DGKI: variants seen among roughly 807,000 people sequenced by gnomAD.
The protein encoded by DGKI is diacylglycerol kinase iota.
A neutral mutation model predicts 147.5 loss-of-function variants in DGKI; 55 were observed. The ratio of observed to expected loss-of-function variants is 0.37; its 90% CI spans 0.30 to 0.47. The LOEUF (loss-of-function observed/expected upper bound fraction) is 0.47. DGKI is among the 20% of genes least tolerant of loss of function. The pLI is 1.00. For missense variants in DGKI, 1,007 were observed against 1,323.8 expected (o/e 0.76, Z 3.71); for synonymous variants, 469 against 477.1 (o/e 0.98, Z 0.22).
At position 137,446,743 on chromosome 7, in the gene DGKI, AAG is replaced by A. The variant is rs1438502120; in HGVS notation, c.2736-2643_2736-2642del. Among the ~76,000 whole-genome samples the A allele has an allele frequency of 4.6e-5, 7 of 152,244 alleles. No individual in the cohort carries two copies. In the East Asian group the frequency reaches 1.4e-3, roughly 29 times the overall value. On this transcript the variant is annotated intron_variant, in intron 27 of 32. Transcript: ENST00000614521. ...CTCTGTCTCAAAAAAGAAAGAAAGA[AAG>A]AGAGAGAGGGAGGGGAAAGAAGTTA...
rs1399392625 is a variant in DGKI, at chr7:137,389,175, G to A, written c.*2045C>T. The A allele has an allele frequency of 1.3e-5, 2 of 152,068 alleles. 1 individual carries two copies. Among genetic ancestry groups the A allele is most frequent in the Admixed American group, 1.3e-4 (2 of 15,258 alleles). 9.4% of individuals were successfully genotyped at this position (152,068 alleles called of 1,614,324 possible). On this transcript the variant is annotated 3_prime_UTR_variant, in exon 33 of 33. Transcript: ENST00000614521. ...GCCAACTAAAAATCCCCCAGCAAAA[G>A]CCCAGTGATTAAATTCTCCTGGAGC...
At chr7:137,540,623 T>C (rs757072047) in intron 20 of DGKI, among the ~76,000 whole-genome samples, 13 of 151,448 alleles carry the variant, frequency 8.6e-5, no homozygotes, top group African/African-American at 1.2e-4. Flanking sequence ...GAGGCAGAGG[T>C]TTCAGTGAGC....
In DGKI at chr7:137,381,538, C is replaced by T. The variant is rs1172717893; in HGVS notation, c.*9682G>A. 2.6e-5 allele frequency: 4 copies of T among 151,602 alleles called. No homozygotes were observed. The highest frequency in any genetic ancestry group is 7.3e-5 in the African/African-American group (3 of 41,236). The allele number at this position is 151,602 out of a possible 1,614,324, so 9.4% of individuals were successfully genotyped here. The stretch of plus-strand genomic sequence containing the variant: ...GCCTTTGCGAGTGGAATACCCACAG[C>T]CAAGGGTACCCTGGATGCCTGGGAA... On this transcript the variant is annotated 3_prime_UTR_variant, in exon 33 of 33. Transcript: ENST00000614521.
At chr7:137,665,274 C>T (rs551484272) in intron 3 of DGKI, among the ~76,000 whole-genome samples, 1 of 152,312 alleles carries the variant, frequency 6.6e-6, no homozygotes, top group Admixed American at 6.5e-5. Context: ...GGCAGAGGCA[C>T]AAGAGTGACT....
intron 23 of DGKI, among the ~76,000 whole-genome samples, chr7:137,471,960 A>C (rs1444881995): frequency 7.7e-6 from 1 of 129,584 alleles, no homozygotes; most frequent in Non-Finnish European, 1.5e-5. Context: ...TATATATTAT[A>C]TATTATATAC....
At chr7:137,781,972 A>T (rs943414610) in intron 1 of DGKI, among the ~76,000 whole-genome samples, 2 of 152,196 alleles carry the variant, frequency 1.3e-5, no homozygotes, top group Admixed American at 6.5e-5. Context: ...GGTGGATAGG[A>T]GGCAGGAATA....
intron 20 of DGKI, among the ~76,000 whole-genome samples, chr7:137,546,215 C>T (rs554947599): frequency 6.6e-6 from 1 of 152,242 alleles, no homozygotes; most frequent in Non-Finnish European, 1.5e-5. Context: ...CAGACCGGAG[C>T]GGGGCCAGGC....
intron 20 of DGKI, among the ~76,000 whole-genome samples, chr7:137,524,942 T>G (rs1215346291): frequency 2.0e-5 from 3 of 152,112 alleles, no homozygotes; most frequent in African/African-American, 7.2e-5. Context: ...CTTACCAGTG[T>G]GTATCACCTT....
Position 137,605,291 on chromosome 7 carries a change from G to C in DGKI, c.1167+3675C>G, listed in dbSNP as rs376554466. On this transcript the variant is annotated intron_variant, in intron 10 of 32. Transcript: ENST00000614521. ...TCACTGCACTCCAGCCTGGGTGACA[G>C]AGCAAGACTCCGTCTCAAAAATATA... is the stretch of plus-strand genomic sequence containing the variant. Among the ~76,000 whole-genome samples, 28 of 145,392 alleles carry C rather than the reference G, an allele frequency of 1.9e-4. 1 individual carries two copies. In the South Asian group the frequency reaches 5.2e-3, roughly 27 times the overall value.
At chr7:137,545,231 T>C (rs1817825467) in intron 20 of DGKI, among the ~76,000 whole-genome samples, 1 of 152,154 alleles carries the variant, frequency 6.6e-6, no homozygotes, top group African/African-American at 2.4e-5. Context: ...TAACAGTCCC[T>C]GAAACATAAT....
intron 21 of DGKI, among the ~76,000 whole-genome samples, chr7:137,513,346 T>C (rs10249241): frequency 2.0e-5 from 3 of 152,008 alleles, no homozygotes; most frequent in Admixed American, 1.3e-4. Context: ...TGCTCCTGCA[T>C]TTGGCCCTCT....
intron 30 of DGKI, among the ~76,000 whole-genome samples, chr7:137,401,806 T>C (rs140325337): frequency 8.4e-4 from 128 of 152,284 alleles, no homozygotes; most frequent in African/African-American, 2.9e-3. Flanking sequence ...AAAATCCCTA[T>C]TGAGGAGATA....
At chr7:137,744,523 TCTC>T (rs1278694703) in intron 1 of DGKI, among the ~76,000 whole-genome samples, 2 of 150,634 alleles carry the variant, frequency 1.3e-5, no homozygotes, top group Non-Finnish European at 3.0e-5. Flanking sequence ...TCAAGGAGGG[TCTC>T]CTCCTAACTC....
At chr7:137,701,503 T>C (rs1823982716) in intron 1 of DGKI, among the ~76,000 whole-genome samples, 1 of 152,190 alleles carries the variant, frequency 6.6e-6, no homozygotes, top group Non-Finnish European at 1.5e-5. Context: ...TTTGGAGTCA[T>C]AGTGTACAGA....
chr7:137,739,287 C>T (rs961918295), intron 1 of DGKI, among the ~76,000 whole-genome samples: 3 of 152,144 alleles, frequency 2.0e-5, no homozygotes, highest in African/African-American at 7.2e-5. Flanking sequence ...CATCAGGTAT[C>T]CTATTGTCTA....
At chr7:137,607,151 C>T (rs369494326) in intron 10 of DGKI, among the ~76,000 whole-genome samples, 1 of 152,162 alleles carries the variant, frequency 6.6e-6, no homozygotes, top group Admixed American at 6.5e-5. Context: ...GTCTTCTCTC[C>T]TCTGCATAAC....
chr7:137,561,598 G>A (rs1317344929), intron 19 of DGKI, among the ~76,000 whole-genome samples: 1 of 152,150 alleles, frequency 6.6e-6, no homozygotes, highest in Non-Finnish European at 1.5e-5. Flanking sequence ...AATGACAAAT[G>A]TTTGAGATGA....
At chr7:137,793,642 G>C (rs1796937337) in intron 1 of DGKI, among the ~76,000 whole-genome samples, 1 of 152,026 alleles carries the variant, frequency 6.6e-6, no homozygotes, top group South Asian at 2.1e-4. Context: ...ATTTTCACAT[G>C]TCATTCCCCT....
chr7:137,718,323 G>A (rs766289828), intron 1 of DGKI, among the ~76,000 whole-genome samples: 3 of 152,182 alleles, frequency 2.0e-5, no homozygotes, highest in Non-Finnish European at 4.4e-5. Flanking sequence ...GTCCCAAATT[G>A]TAAGTAAATA....
Sources: gnomAD v4.1 joint callset for allele counts (sites outside exome capture counted in the v4.1 genomes callset) on GRCh38, gnomAD v4.1.1 for gene constraint, MANE v1.5 for transcripts, NCBI Gene and HGNC (gene_info 2026-07-23, HGNC 2026-07-21) for gene names.